MACROD2: variants seen among roughly 807,000 people sequenced by gnomAD.
MACROD2 encodes the protein ADP-ribose glycohydrolase MACROD2.
Under a neutral mutation model 70.4 loss-of-function variants are expected in MACROD2, and 36 were observed. That is an observed-to-expected ratio of 0.51 (90% CI 0.39 to 0.68). The LOEUF (loss-of-function observed/expected upper bound fraction) is 0.68. Ranked by LOEUF, MACROD2 falls within the 30% of genes least tolerant of loss-of-function variation. The pLI is 0.00. For synonymous variants in MACROD2, 172 were observed against 178.8 expected (o/e 0.96, Z 0.30); for missense variants, 496 against 538.4 (o/e 0.92, Z 0.78).
chr20:15,708,199 T>G (rs1258717518), intron 8 of MACROD2, among the ~76,000 whole-genome samples: 1 of 152,166 alleles, frequency 6.6e-6, no homozygotes, highest in Non-Finnish European at 1.5e-5. Context: ...CATGGCCTAT[T>G]CAAGACCCAG....
chr20:15,284,121 T>A (rs2077470788), intron 6 of MACROD2, among the ~76,000 whole-genome samples: 1 of 152,240 alleles, frequency 6.6e-6, no homozygotes, highest in African/African-American at 2.4e-5. Flanking sequence ...TTTTAAATTG[T>A]AACTTTTTTA....
intron 4 of MACROD2, among the ~76,000 whole-genome samples, chr20:14,641,571 A>C (rs1171218063): frequency 6.6e-6 from 1 of 152,226 alleles, no homozygotes; most frequent in Non-Finnish European, 1.5e-5. Flanking sequence ...TGAAAGTCAA[A>C]ATTGCTCCTT....
At chr20:15,013,747 C>A (rs180735524) in intron 5 of MACROD2, among the ~76,000 whole-genome samples, 1 of 152,288 alleles carries the variant, frequency 6.6e-6, no homozygotes, top group East Asian at 1.9e-4. Context: ...ATCCCAAGAG[C>A]CCTCCCTAAT....
At chr20:14,581,220 G>A (rs547961511) in intron 4 of MACROD2, among the ~76,000 whole-genome samples, 1 of 152,234 alleles carries the variant, frequency 6.6e-6, no homozygotes, top group East Asian at 1.9e-4. Flanking sequence ...CTTGTGCTTT[G>A]CTTAAGCCAA....
chr20:14,445,221 C>T (rs1369658145), intron 3 of MACROD2, among the ~76,000 whole-genome samples: 6 of 152,142 alleles, frequency 3.9e-5, no homozygotes, highest in East Asian at 3.9e-4. Flanking sequence ...TGAACTTTAA[C>T]GCAAGCTCCA....
intron 10 of MACROD2, among the ~76,000 whole-genome samples, chr20:15,915,827 G>A (rs1036226385): frequency 3.3e-5 from 5 of 152,106 alleles, no homozygotes; most frequent in Admixed American, 6.6e-5. Context: ...GAGAAAGGGA[G>A]AAGGGAGAGT....
chr20:15,978,922 G>C (rs2066353614), intron 13 of MACROD2, among the ~76,000 whole-genome samples: 1 of 152,108 alleles, frequency 6.6e-6, no homozygotes, highest in Non-Finnish European at 1.5e-5. Context: ...AAAACAGCTT[G>C]AGGTTTTTAT....
chr20:15,832,198 T>G (rs2064063860), intron 8 of MACROD2, among the ~76,000 whole-genome samples: 2 of 152,212 alleles, frequency 1.3e-5, no homozygotes, highest in Non-Finnish European at 2.9e-5. Context: ...CAGTGAATTT[T>G]TATGTGTCTC....
intron 3 of MACROD2, among the ~76,000 whole-genome samples, chr20:14,344,486 A>G (rs2083045073): frequency 6.6e-6 from 1 of 152,192 alleles, no homozygotes; most frequent in South Asian, 2.1e-4. Context: ...CATTCTGTAA[A>G]TGATTAACCT....
In MACROD2 at chr20:15,911,141, G is replaced by A. The variant is rs553382120; in HGVS notation, c.776-22135G>A. Among the ~76,000 whole-genome samples, 91 of 152,158 alleles carry A rather than the reference G, an allele frequency of 6.0e-4. 2 individuals carry two copies. The highest frequency in any genetic ancestry group is 4.1e-4 in the South Asian group (2 of 4,824). ...CCTTGAACCAATCACTGTGGCCATGGACATGTACTGCCCTGACTAGGTCTA... is the reference window on the plus strand; with the variant it reads ...CCTTGAACCAATCACTGTGGCCATGAACATGTACTGCCCTGACTAGGTCTA... On this transcript the variant is annotated intron_variant, in intron 10 of 17. Coordinates refer to ENST00000684519, the MANE Select transcript of MACROD2 (RefSeq NM_001351661.2).
chr20:14,628,808 G>A (rs2123469019), intron 4 of MACROD2: 1 of 152,248 alleles, frequency 6.6e-6, no homozygotes, highest in Middle Eastern at 3.4e-3. Context: ...GACAAGAGCT[G>A]TTCATCTTCA....
intron 8 of MACROD2, among the ~76,000 whole-genome samples, chr20:15,696,752 G>T (rs1414981073): frequency 1.4e-5 from 2 of 147,388 alleles, no homozygotes; most frequent in Non-Finnish European, 3.0e-5. Context: ...TCTATTCAGG[G>T]TATCTAATTC....
intron 5 of MACROD2, among the ~76,000 whole-genome samples, chr20:15,073,036 G>A (rs146764903): frequency 2.0e-5 from 3 of 152,152 alleles, no homozygotes; most frequent in Non-Finnish European, 4.4e-5. Flanking sequence ...CTTCTGCCAT[G>A]GGATGATAAT....
Position 14,541,462 on chromosome 20 carries a change from T to C in MACROD2, c.301+47954T>C, listed in dbSNP as rs117846400. On this transcript the variant is annotated intron_variant, in intron 4 of 17. Transcript: ENST00000684519. ...CATGCTTTACTTTTCTCCTATTACT[T>C]ATAATTACAAGGCATATTATGAACT... is the stretch of plus-strand genomic sequence containing the variant. 5.2e-3 allele frequency among the ~76,000 whole-genome samples: 785 copies of C among 152,254 alleles called. 3 individuals carry two copies. The highest frequency in any genetic ancestry group is 7.0e-3 in the Non-Finnish European group (479 of 68,008).
chr20:14,437,316 C>G (rs148922245), intron 3 of MACROD2, among the ~76,000 whole-genome samples: 1 of 151,986 alleles, frequency 6.6e-6, no homozygotes, highest in Non-Finnish European at 1.5e-5. Flanking sequence ...TTTCTTGGGC[C>G]GGATGCAGTG....
chr20:15,104,254 A>G (rs1241416414), intron 5 of MACROD2, among the ~76,000 whole-genome samples: 1 of 152,118 alleles, frequency 6.6e-6, no homozygotes, highest in African/African-American at 2.4e-5. Flanking sequence ...CCAGAAAGAA[A>G]TAGTATGATA....
At chr20:15,070,192 G>T (rs1272681846) in intron 5 of MACROD2, among the ~76,000 whole-genome samples, 1 of 152,104 alleles carries the variant, frequency 6.6e-6, no homozygotes, top group Non-Finnish European at 1.5e-5. Context: ...TCATTCTTTT[G>T]GCTGATTCCT....
At chr20:14,774,267 T>C (rs543234326) in intron 5 of MACROD2, among the ~76,000 whole-genome samples, 2 of 152,154 alleles carry the variant, frequency 1.3e-5, no homozygotes, top group South Asian at 4.1e-4. Flanking sequence ...TGTCAATAAA[T>C]GATTTTTTTC....
chr20:15,269,155 T>G (rs1475614920), intron 6 of MACROD2, among the ~76,000 whole-genome samples: 1 of 152,266 alleles, frequency 6.6e-6, no homozygotes, highest in Non-Finnish European at 1.5e-5. Context: ...CACAATTCTC[T>G]GTGGGACACA....
Sources: allele counts gnomAD v4.1 joint callset (sites outside exome capture counted in the v4.1 genomes callset), GRCh38; gene constraint gnomAD v4.1.1; transcripts MANE v1.5; gene names NCBI Gene and HGNC (gene_info 2026-07-23, HGNC 2026-07-21).